DNAI7: variants seen among roughly 807,000 people sequenced by gnomAD.
The protein encoded by DNAI7 is dynein axonemal intermediate chain 7, also known as cancer susceptibility 1.
DNAI7 carries 78 observed loss-of-function variants against 86.6 expected under a neutral mutation model. That is an observed-to-expected ratio of 0.90 (90% CI 0.75 to 1.09). The LOEUF (loss-of-function observed/expected upper bound fraction) is 1.09, where lower values mean the gene tolerates loss of function less well. DNAI7 is among the 50% of genes least tolerant of loss of function. DNAI7 has a pLI of 0.00. For synonymous variants in DNAI7, 274 were observed against 273.0 expected (o/e 1.00, Z -0.04); for missense variants, 753 against 810.2 (o/e 0.93, Z 0.86).
rs141508953 is a variant in DNAI7, at chr12:25,111,545, G to A, written c.1779+227C>T. Among the ~76,000 whole-genome samples, 807 of 152,186 alleles carry A rather than the reference G, an allele frequency of 5.3e-3. 9 individuals are homozygous for A. The highest frequency in any genetic ancestry group is 0.016 in the African/African-American group (681 of 41,518). On this transcript the variant is annotated intron_variant, in intron 14 of 15. Coordinates refer to ENST00000395987, the MANE Select transcript of DNAI7 (RefSeq NM_018272.5). ...AAACTACCTTTGCACTAAACTGACC[G>A]TCTGTGGATATGCTCCATTTGTCAA...
intron 2 of DNAI7, among the ~76,000 whole-genome samples, chr12:25,187,285 C>G (rs1168281943): frequency 6.6e-6 from 1 of 152,204 alleles, no homozygotes; most frequent in South Asian, 2.1e-4. Context: ...TTAATATACT[C>G]ATTCCCCCAG....
chr12:25,189,197 A>G (rs1950294498), intron 2 of DNAI7, among the ~76,000 whole-genome samples: 1 of 152,238 alleles, frequency 6.6e-6, no homozygotes, highest in Non-Finnish European at 1.5e-5. Context: ...TATTGAATGA[A>G]TTTCTACTAT....
At position 25,108,571 on chromosome 12, in the gene DNAI7, T is replaced by G. The variant is rs1381480249; in HGVS notation, c.2146A>C (p.Thr716Pro). 2.5e-6 allele frequency: 4 copies of G among 1,613,566 alleles called. No individual in the cohort carries two copies. Among genetic ancestry groups the G allele is most frequent in the Non-Finnish European group, 3.4e-6 (4 of 1,179,728 alleles). ...VNSVCHMLLS[T>P]RLLSYS Reference sequence around the variant, plus strand: ...GGTTAGGAGTAGCTGAGCAATCTGGTAGAGAGCAGCATGTGGCACACAGAG... The same window carrying G: ...GGTTAGGAGTAGCTGAGCAATCTGGGAGAGAGCAGCATGTGGCACACAGAG... Residue 716 changes from threonine to proline, a missense_variant, in exon 16 of 16, where the codon ACC (threonine) becomes CCC (proline). Physicochemically the swap from Thr to Pro is conservative, Grantham distance 38 (BLOSUM62 -1). Transcript: ENST00000395987.
At chr12:25,128,200 T>G (rs1442177138) in intron 9 of DNAI7, among the ~76,000 whole-genome samples, 2 of 152,224 alleles carry the variant, frequency 1.3e-5, no homozygotes, top group Non-Finnish European at 2.9e-5. Context: ...CAACAGAAGA[T>G]CTATGCAAAA....
chr12:25,133,606 T>G (rs762101345), intron 9 of DNAI7, among the ~76,000 whole-genome samples: 11 of 152,210 alleles, frequency 7.2e-5, no homozygotes, highest in Non-Finnish European at 1.3e-4. Context: ...ATGGGGTTCT[T>G]CGGCTTCTGT....
At chr12:25,135,435 G>C (rs1298378207) in intron 9 of DNAI7, among the ~76,000 whole-genome samples, 1 of 152,142 alleles carries the variant, frequency 6.6e-6, no homozygotes, top group Admixed American at 6.6e-5. Flanking sequence ...GCTGAACTTT[G>C]CAATAATTTC....
intron 2 of DNAI7, among the ~76,000 whole-genome samples, chr12:25,171,810 G>T (rs1948172679): frequency 6.6e-6 from 1 of 152,032 alleles, no homozygotes; most frequent in African/African-American, 2.4e-5. Context: ...TGCAGGGATG[G>T]TTTAACATAT....
chr12:25,158,056 T>C (rs1031744609), intron 4 of DNAI7, among the ~76,000 whole-genome samples: 5 of 151,952 alleles, frequency 3.3e-5, no homozygotes, highest in Admixed American at 2.0e-4. Flanking sequence ...GGTGAAACCC[T>C]ATCTCTACTA....
chr12:25,167,665 A>G (rs748204477), intron 2 of DNAI7, among the ~76,000 whole-genome samples: 1 of 151,652 alleles, frequency 6.6e-6, no homozygotes, highest in South Asian at 2.1e-4. Context: ...GTCTCCCTAT[A>G]CCTCCGAACT....
chr12:25,193,037 T>G (rs1209665580), intron 1 of DNAI7, among the ~76,000 whole-genome samples: 1 of 151,684 alleles, frequency 6.6e-6, no homozygotes, highest in Admixed American at 6.6e-5. Context: ...TCCCAGCTAT[T>G]CAGGAGGCTG....
intron 2 of DNAI7, among the ~76,000 whole-genome samples, chr12:25,189,954 C>A (rs1592736211): frequency 1.5e-5 from 2 of 137,020 alleles, no homozygotes; most frequent in Non-Finnish European, 1.5e-5. Context: ...AGATGGAAAT[C>A]AGATTGTTGC....
intron 9 of DNAI7, among the ~76,000 whole-genome samples, chr12:25,133,170 A>C (rs1421382921): frequency 8.5e-6 from 1 of 117,848 alleles, no homozygotes; most frequent in East Asian, 2.3e-4. Flanking sequence ...TTTTTTTTTT[A>C]GTCTTTAGGG....
chr12:25,157,277 CAAAAAAA>C lies in DNAI7; in HGVS notation c.198+1188_198+1194del, dbSNP rs34695125. ...TGGGCGACAGAGAGAGACTCCGTCT[CAAAAAAA>C]AAAAAAAAAAAAAAGTTTTGATACA... On this transcript the variant is annotated intron_variant, in intron 4 of 15. Transcript: ENST00000395987. Among the ~76,000 whole-genome samples the C allele has an allele frequency of 1.6e-4, 14 of 89,028 alleles. 1 individual carries two copies. The highest frequency in any genetic ancestry group is 6.0e-4 in the African/African-American group (13 of 21,840). 58.4% of individuals were successfully genotyped at this position (89,028 alleles called of 152,430 possible).
chr12:25,188,543 C>A (rs1950233691), intron 2 of DNAI7, among the ~76,000 whole-genome samples: 1 of 152,070 alleles, frequency 6.6e-6, no homozygotes, highest in South Asian at 2.1e-4. Flanking sequence ...CATCTCCAAA[C>A]TGCAATATTT....
chr12:25,121,793 G>A lies in DNAI7; in HGVS notation c.1199C>T (p.Pro400Leu). The A allele has an allele frequency of 6.2e-7, 1 of 1,608,052 alleles. No homozygotes were observed. Among genetic ancestry groups the A allele is most frequent in the Non-Finnish European group, 8.5e-7 (1 of 1,178,564 alleles). The change falls in exon 11 of 16, where the codon CCT becomes CTT. Residue 400 changes from proline (P) to leucine (L), a missense_variant. By Grantham distance (98) the Pro-to-Leu change is moderately conservative. Coordinates refer to ENST00000395987, the MANE Select transcript of DNAI7 (RefSeq NM_018272.5). ...GVYHLDILEL[P>L]PQCKPVKGWM... ...TCCCTTCACTGGTTTACACTGTGGA[G>A]GAAGCTCCAAAATATCCAAGTGGTA...
intron 4 of DNAI7, among the ~76,000 whole-genome samples, chr12:25,156,210 T>G (rs1278696527): frequency 6.6e-6 from 1 of 152,128 alleles, no homozygotes; most frequent in Non-Finnish European, 1.5e-5. Context: ...TTGGATAAAA[T>G]GGGAAGTCAG....
rs1949690371 is a variant in DNAI7 at position 25,110,148 on chromosome 12, A to T, written c.1872T>A (p.Asn624Lys). 1 of 1,599,476 alleles carries T rather than the reference A, an allele frequency of 6.3e-7. No individual in the cohort carries two copies. The highest frequency in any genetic ancestry group is 1.7e-5 in the Admixed American group (1 of 59,894). Residue 624 changes from asparagine to lysine, a missense_variant, in exon 15 of 16, where the codon AAT becomes AAA. By Grantham distance (94) the Asn-to-Lys change is moderately conservative. Coordinates refer to ENST00000395987, the MANE Select transcript of DNAI7 (RefSeq NM_018272.5). ...ATACCTTAAATACGACTTTTGTAGA[A>T]TTACATAGTAGGTTCCACTTGCTCC... ...FGWSKWNLLC[N>K]STKVVFKVRE...
intron 9 of DNAI7, among the ~76,000 whole-genome samples, chr12:25,124,061 T>C (rs983554059): frequency 4.6e-5 from 7 of 151,404 alleles, no homozygotes; most frequent in African/African-American, 1.7e-4. Context: ...TGTGTGTGTG[T>C]GCTAATACTT....
chr12:25,174,952 G>T (rs1948792717), intron 2 of DNAI7, among the ~76,000 whole-genome samples: 1 of 151,634 alleles, frequency 6.6e-6, no homozygotes, highest in Non-Finnish European at 1.5e-5. Context: ...GAACTTTGGG[G>T]ACTTGTGGGG....
Sources: gnomAD v4.1 joint callset for allele counts (sites outside exome capture counted in the v4.1 genomes callset) on GRCh38, gnomAD v4.1.1 for gene constraint, MANE v1.5 for transcripts, NCBI Gene and HGNC (gene_info 2026-07-23, HGNC 2026-07-21) for gene names.